Variants in CCDC149 observed in about 807,000 individuals in gnomAD.
CCDC149 encodes coiled-coil domain containing 149.
In CCDC149, 45 loss-of-function variants were observed where a neutral mutation model predicts 59.9. That is an observed-to-expected ratio of 0.75 (90% CI 0.59 to 0.96). The LOEUF (loss-of-function observed/expected upper bound fraction) is 0.96. Ranked by LOEUF, CCDC149 falls within the 40% of genes least tolerant of loss-of-function variation. CCDC149 has a pLI of 0.00. For synonymous variants in CCDC149, 245 were observed against 260.6 expected (o/e 0.94, Z 0.58); for missense variants, 584 against 664.7 (o/e 0.88, Z 1.33).
chr4:24,956,936 G>A (rs75804655), intron 1 of CCDC149, among the ~76,000 whole-genome samples: 4 of 152,202 alleles, frequency 2.6e-5, no homozygotes, highest in African/African-American at 9.7e-5. Context: ...CTAGGCCTAG[G>A]CTACAGTATA....
intron 1 of CCDC149, among the ~76,000 whole-genome samples, chr4:24,886,683 T>C (rs1021279937): frequency 6.6e-6 from 1 of 152,188 alleles, no homozygotes; most frequent in Non-Finnish European, 1.5e-5. Flanking sequence ...AAATAAATGG[T>C]GATCATTCAA....
rs1714394777 is a variant in CCDC149, at chr4:24,808,788, A to G, written c.1224T>C (p.Ser408=). ...CTGTCAACGCCTCAGCAGCGGCACA[A>G]CTTTCATCTTCTTCTTGCTTCTGAG... The change falls in exon 13 of 13, where the codon AGT becomes AGC. Residue 408 remains serine (S), a synonymous_variant. Transcript: ENST00000635206. 6.4e-7 allele frequency: 1 copy of G among 1,550,416 alleles called. No individual in the cohort carries two copies. The highest frequency in any genetic ancestry group is 8.7e-7 in the Non-Finnish European group (1 of 1,146,568).
intron 1 of CCDC149, among the ~76,000 whole-genome samples, chr4:24,957,975 G>A (rs1213732407): frequency 6.6e-6 from 1 of 152,176 alleles, no homozygotes; most frequent in Non-Finnish European, 1.5e-5. Flanking sequence ...AGAGTATCTG[G>A]TGCAAAAGAG....
intron 1 of CCDC149, among the ~76,000 whole-genome samples, chr4:24,946,161 G>A (rs1723105043): frequency 6.6e-6 from 1 of 152,170 alleles, no homozygotes; most frequent in Non-Finnish European, 1.5e-5. Context: ...AAGAGACGCA[G>A]ACTCAAACAT....
At chr4:24,805,176 G>C (rs1385844495), downstream of CCDC149, among the ~76,000 whole-genome samples, 1 of 152,200 alleles carries the variant, frequency 6.6e-6, no homozygotes, top group Non-Finnish European at 1.5e-5. Flanking sequence ...GAGGCAGAGT[G>C]TGCAAACAAG....
intron 1 of CCDC149, among the ~76,000 whole-genome samples, chr4:24,879,218 AG>A (rs1313451494): frequency 1.3e-5 from 2 of 152,172 alleles, no homozygotes; most frequent in Non-Finnish European, 2.9e-5. Context: ...AAGGAACCCT[AG>A]AAAACACTGC....
At chr4:24,834,457 A>C (rs1286604452) in intron 8 of CCDC149, among the ~76,000 whole-genome samples, 1 of 152,238 alleles carries the variant, frequency 6.6e-6, no homozygotes. Flanking sequence ...GTTATGTGAG[A>C]AAATGATTTC....
chr4:24,957,216 C>T (rs1723490834), intron 1 of CCDC149, among the ~76,000 whole-genome samples: 1 of 152,194 alleles, frequency 6.6e-6, no homozygotes, highest in Admixed American at 6.5e-5. Flanking sequence ...CACCAAGCAA[C>T]AAAATCAGGC....
intron 1 of CCDC149, among the ~76,000 whole-genome samples, chr4:24,952,963 G>A (rs1385899221): frequency 6.6e-6 from 1 of 151,946 alleles, no homozygotes; most frequent in Non-Finnish European, 1.5e-5. Flanking sequence ...TTTATGAGAA[G>A]TCTAGGTTTG....
At chr4:24,931,825 G>GTATATATATATATATA (rs1553862475) in intron 1 of CCDC149, among the ~76,000 whole-genome samples, 5 of 70,442 alleles carry the variant, frequency 7.1e-5, no homozygotes, top group African/African-American at 5.5e-4. Flanking sequence ...TGTATGGAGA[G>GTATATATATATATATA]TATGTATATA....
At chr4:24,865,276 T>C (rs1214888314) in intron 3 of CCDC149, among the ~76,000 whole-genome samples, 1 of 152,206 alleles carries the variant, frequency 6.6e-6, no homozygotes, top group Non-Finnish European at 1.5e-5. Flanking sequence ...CTTAAATCCA[T>C]ACCTTCAATA....
At chr4:24,970,978 G>A (rs1176639317) in intron 1 of CCDC149, among the ~76,000 whole-genome samples, 2 of 152,204 alleles carry the variant, frequency 1.3e-5, no homozygotes, top group Admixed American at 6.5e-5. Flanking sequence ...TATGGATGAG[G>A]TTGATCAGAT....
chr4:24,925,440 G>T lies in CCDC149; in HGVS notation c.-64-30322C>A, dbSNP rs150879717. Among the ~76,000 whole-genome samples the T allele has an allele frequency of 2.0e-5, 3 of 152,146 alleles. No individual in the cohort carries two copies. In the East Asian group the frequency reaches 5.8e-4, roughly 29 times the overall value. On this transcript the variant is annotated intron_variant, in intron 1 of 12. Transcript: ENST00000389609. ...GGGTCAAAAGAATTCTTTTCATCTCGTACTGTCTCTGTTCCTGTCCATCAA... is the reference window on the plus strand; with the variant it reads ...GGGTCAAAAGAATTCTTTTCATCTCTTACTGTCTCTGTTCCTGTCCATCAA...
chr4:24,903,174 T>C (rs1376427837), intron 1 of CCDC149, among the ~76,000 whole-genome samples: 1 of 151,934 alleles, frequency 6.6e-6, no homozygotes, highest in African/African-American at 2.4e-5. Flanking sequence ...TGCCTTTACG[T>C]CTAAGAAAGG....
chr4:24,842,404 G>A (rs1344753826), intron 4 of CCDC149, among the ~76,000 whole-genome samples: 1 of 152,122 alleles, frequency 6.6e-6, no homozygotes, highest in Non-Finnish European at 1.5e-5. Context: ...GGCAAATGAT[G>A]TTGATTTTCC....
At chr4:24,978,868 G>A (rs752278980) in intron 1 of CCDC149, among the ~76,000 whole-genome samples, 3 of 152,208 alleles carry the variant, frequency 2.0e-5, no homozygotes, top group South Asian at 2.1e-4. Flanking sequence ...TGACCTGGGC[G>A]TGTCTTTAGG....
chr4:24,932,556 G>A (rs1430340654), intron 1 of CCDC149, among the ~76,000 whole-genome samples: 1 of 152,156 alleles, frequency 6.6e-6, no homozygotes, highest in Non-Finnish European at 1.5e-5. Context: ...TGGCTGCTAA[G>A]TCTATTTGGT....
At chr4:24,958,804 G>A (rs1723548215) in intron 1 of CCDC149, among the ~76,000 whole-genome samples, 1 of 152,138 alleles carries the variant, frequency 6.6e-6, no homozygotes, top group Admixed American at 6.5e-5. Flanking sequence ...GACTGAGGCG[G>A]GCAGATCCCT....
rs188436249 is a variant in CCDC149 at position 24,926,954 on chromosome 4, G to A, written c.-64-31836C>T. ...CAGTCACACTCCTTACAGGCAGCACGGCTCCTAGTGTGAATGTTGCAGTGG... is the reference window on the plus strand; with the variant it reads ...CAGTCACACTCCTTACAGGCAGCACAGCTCCTAGTGTGAATGTTGCAGTGG... On this transcript the variant is annotated intron_variant, in intron 1 of 12. Coordinates refer to the CCDC149 transcript ENST00000389609. Among the ~76,000 whole-genome samples the A allele has an allele frequency of 3.2e-4, 48 of 152,246 alleles. 1 individual carries two copies. In the East Asian group the frequency reaches 3.7e-3, roughly 12 times the overall value.
Sources: allele counts gnomAD v4.1 joint callset (sites outside exome capture counted in the v4.1 genomes callset), GRCh38; gene constraint gnomAD v4.1.1; transcripts MANE v1.5; gene names NCBI Gene and HGNC (gene_info 2026-07-23, HGNC 2026-07-21).